The following SHISA9 variants were observed in gnomAD, a reference collection of about 807,000 sequenced individuals.
SHISA9 encodes the protein shisa family member 9.
Under a neutral mutation model 38.0 loss-of-function variants are expected in SHISA9, and 13 were observed. The ratio of observed to expected loss-of-function variants is 0.34; its 90% confidence interval spans 0.22 to 0.54. SHISA9 has a LOEUF of 0.54. Among genes scored for constraint, SHISA9 ranks in the 20% least tolerant of loss-of-function variants. The pLI, the probability that SHISA9 is intolerant of heterozygous loss-of-function variation, is 0.91. For missense variants in SHISA9, 538 were observed against 575.8 expected (o/e 0.93, Z 0.67); for synonymous variants, 275 against 242.0 (o/e 1.14, Z -1.27).
intron 2 of SHISA9, among the ~76,000 whole-genome samples, chr16:13,186,926 G>T (rs1447770484): frequency 6.6e-6 from 1 of 152,106 alleles, no homozygotes; most frequent in African/African-American, 2.4e-5. Context: ...AAGCTCAATT[G>T]TATTCCACTG....
intron 2 of SHISA9, among the ~76,000 whole-genome samples, chr16:12,997,377 C>G (rs1266142293): frequency 2.7e-5 from 4 of 149,322 alleles, no homozygotes; most frequent in African/African-American, 7.3e-5. Flanking sequence ...CTGTTGACGA[C>G]ATTTGACATG....
At chr16:13,027,781 G>T (rs938741796) in intron 2 of SHISA9, among the ~76,000 whole-genome samples, 3 of 151,790 alleles carry the variant, frequency 2.0e-5, no homozygotes, top group Admixed American at 1.3e-4. Context: ...ACAAAAATTA[G>T]CTGGGTATGG....
At chr16:13,103,196 A>G (rs1055200652) in intron 2 of SHISA9, among the ~76,000 whole-genome samples, 2 of 152,166 alleles carry the variant, frequency 1.3e-5, no homozygotes, top group African/African-American at 4.8e-5. Flanking sequence ...TCCAAAGCTC[A>G]TGCTGTATAT....
In SHISA9 at chr16:12,909,386, C is replaced by T. The variant is rs1283816583; in HGVS notation, c.563+6759C>T. ...GATGCTTCTTGTGCAAGAAGAAGTGCTCAGGAACTCTATTCAAGTGTTTAA... is the reference window on the plus strand; with the variant it reads ...GATGCTTCTTGTGCAAGAAGAAGTGTTCAGGAACTCTATTCAAGTGTTTAA... On this transcript the variant is annotated intron_variant, in intron 1 of 4. Coordinates refer to ENST00000558583, the MANE Select transcript of SHISA9 (RefSeq NM_001145204.3). The T allele has an allele frequency of 5.1e-6, 5 of 985,308 alleles. No individual in the cohort carries two copies. In the African/African-American group the frequency reaches 5.2e-5, roughly 10 times the overall value. 61.0% of individuals were successfully genotyped at this position (985,308 alleles called of 1,614,324 possible).
intron 4 of SHISA9, among the ~76,000 whole-genome samples, chr16:13,218,172 A>T (rs396357): frequency 1.3e-5 from 2 of 151,984 alleles, no homozygotes; most frequent in African/African-American, 4.8e-5. Flanking sequence ...TCACAACAGG[A>T]CCAGGGTCCA....
chr16:13,316,173 G>T, the SHISA9 span, among the ~76,000 whole-genome samples: 1 of 152,144 alleles, frequency 6.6e-6, no homozygotes, highest in East Asian at 1.9e-4. Flanking sequence ...AGTCTGGATG[G>T]CTTGCTGGTA....
chr16:13,337,389 T>G, the SHISA9 span, among the ~76,000 whole-genome samples: 1 of 152,142 alleles, frequency 6.6e-6, no homozygotes, highest in South Asian at 2.1e-4. Context: ...GTGTGAGACG[T>G]GCCTTTCACC....
chr16:13,287,951 G>A, the SHISA9 span, among the ~76,000 whole-genome samples: 1 of 152,242 alleles, frequency 6.6e-6, no homozygotes, highest in South Asian at 2.1e-4. Flanking sequence ...GTGAATACAG[G>A]TCCATTCACA....
At chr16:13,437,864 CTTTT>C in the SHISA9 span, among the ~76,000 whole-genome samples, 28 of 104,486 alleles carry the variant, frequency 2.7e-4, no homozygotes, top group South Asian at 4.5e-4. Flanking sequence ...CTTTTTTTTT[CTTTT>C]TTTTTTTTTT....
intron 2 of SHISA9, among the ~76,000 whole-genome samples, chr16:12,938,877 T>C (rs1720337080): frequency 6.6e-6 from 1 of 152,178 alleles, no homozygotes; most frequent in Non-Finnish European, 1.5e-5. Flanking sequence ...TGTAGTTTTC[T>C]CTCTAACTAG....
chr16:13,440,613 C>T, the SHISA9 span, among the ~76,000 whole-genome samples: 1 of 152,248 alleles, frequency 6.6e-6, no homozygotes, highest in South Asian at 2.1e-4. Flanking sequence ...AGCCTAAAAC[C>T]TGTGTGTGCT....
chr16:13,091,090 T>C (rs1422126590), intron 2 of SHISA9, among the ~76,000 whole-genome samples: 2 of 152,234 alleles, frequency 1.3e-5, no homozygotes, highest in Non-Finnish European at 2.9e-5. Context: ...AATTCTGGGT[T>C]GAAAATTCTT....
At chr16:12,961,407 C>G (rs551443963) in intron 2 of SHISA9, among the ~76,000 whole-genome samples, 98 of 152,276 alleles carry the variant, frequency 6.4e-4, no homozygotes, top group Middle Eastern at 3.4e-3. Flanking sequence ...GAGAATAACA[C>G]AGTCAGAATT....
intron 2 of SHISA9, among the ~76,000 whole-genome samples, chr16:13,006,500 A>T (rs990169961): frequency 8.5e-5 from 13 of 152,234 alleles, no homozygotes; most frequent in African/African-American, 2.2e-4. Context: ...GTCTCCAAGG[A>T]CATTGCAAGT....
At chr16:13,276,019 C>G in the SHISA9 span, among the ~76,000 whole-genome samples, 1 of 151,704 alleles carries the variant, frequency 6.6e-6, no homozygotes, top group South Asian at 2.1e-4. Flanking sequence ...TTTGGTGCAC[C>G]CATCATGCGA....
intron 2 of SHISA9, among the ~76,000 whole-genome samples, chr16:13,015,888 TTCTTTC>T (rs1287374441): frequency 1.0e-5 from 1 of 95,350 alleles, no homozygotes; most frequent in African/African-American, 3.2e-5. Context: ...CTTTCTTTCT[TTCTTTC>T]TTTCTTTCTT....
the SHISA9 span, among the ~76,000 whole-genome samples, chr16:13,401,503 C>G: frequency 6.6e-6 from 1 of 152,106 alleles, no homozygotes; most frequent in Non-Finnish European, 1.5e-5. Flanking sequence ...CCCAGTGGGA[C>G]TGTATTTGAA....
downstream of SHISA9, among the ~76,000 whole-genome samples, chr16:13,243,240 CAA>C (rs112827362): frequency 6.3e-5 from 8 of 126,402 alleles, no homozygotes; most frequent in South Asian, 2.5e-4. Context: ...GACTCTGTCT[CAA>C]AAAAAAAAAA....
the SHISA9 span, among the ~76,000 whole-genome samples, chr16:13,344,532 A>G: frequency 1.4e-3 from 214 of 152,244 alleles, no homozygotes; most frequent in Non-Finnish European, 2.5e-3. Flanking sequence ...AGATCCTTGC[A>G]ATATGTTTTC....
Sources: allele counts gnomAD v4.1 joint callset (sites outside exome capture counted in the v4.1 genomes callset), GRCh38; gene constraint gnomAD v4.1.1; transcripts MANE v1.5; gene names NCBI Gene and HGNC (gene_info 2026-07-23, HGNC 2026-07-21).